PSG5: variants seen among roughly 807,000 people sequenced by gnomAD.
The protein encoded by PSG5 is pregnancy specific beta-1-glycoprotein 5.
In PSG5, 53 loss-of-function variants were observed where a neutral mutation model predicts 37.7. The observed-to-expected ratio is 1.41, with a 90% CI of 1.13 to 1.77. PSG5 has a LOEUF of 1.77. Ranked by LOEUF, PSG5 falls within the 40% of genes most tolerant of loss-of-function variation. The pLI is 0.00. For synonymous variants in PSG5, 221 were observed against 155.4 expected, an observed-to-expected ratio of 1.42 and a Z score of -3.14; for missense variants, 547 against 405.2, an observed-to-expected ratio of 1.35 and a Z score of -3.00.
At chr19:43,174,246 G>T (rs1426435245) in intron 4 of PSG5, 2 of 181,656 alleles carry the variant, frequency 1.1e-5, no homozygotes, top group Non-Finnish European at 2.1e-5. Context: ...TGGGTACAGA[G>T]GTTTAATATG....
chr19:43,182,480 C>G (rs1341731932), intron 2 of PSG5, among the ~76,000 whole-genome samples: 2 of 151,420 alleles, frequency 1.3e-5, no homozygotes, highest in Non-Finnish European at 2.9e-5. Flanking sequence ...TACCTGGAGG[C>G]AGATTCGAGC....
chr19:43,175,636 C>A, intron 3 of PSG5, 167 bp from the exon 4 acceptor site: 1 of 1,397,748 alleles, frequency 7.2e-7, no homozygotes, highest in Non-Finnish European at 9.7e-7. Flanking sequence ...ACCTGTTTCT[C>A]CCATCACAAG....
intron 1 of PSG5, 135 bp downstream of exon 1, chr19:43,186,207 A>G: frequency 6.8e-7 from 1 of 1,459,860 alleles, no homozygotes; most frequent in South Asian, 1.2e-5. Flanking sequence ...TGAACTCCTG[A>G]TCTCATAATC....
chr19:43,175,692 T>A, intron 3 of PSG5, 178 bp downstream of exon 3: 14 of 1,411,768 alleles, frequency 9.9e-6, no homozygotes, highest in Non-Finnish European at 1.3e-5. Context: ...CCTCCCCTTA[T>A]ATTCCTGGTT....
At chr19:43,179,017 G>C in intron 2 of PSG5, 1 of 1,612,746 alleles carries the variant, frequency 6.2e-7, no homozygotes, top group South Asian at 1.1e-5. Context: ...TGCAACCTGT[G>C]AGTCATAGGG....
At chr19:43,182,574 A>G (rs1039759336) in intron 2 of PSG5, among the ~76,000 whole-genome samples, 1 of 151,076 alleles carries the variant, frequency 6.6e-6, no homozygotes, top group African/African-American at 2.4e-5. Flanking sequence ...TGCCCCTGAA[A>G]CTATCCTTGA....
intron 2 of PSG5, chr19:43,183,469 G>T (rs182991481): frequency 7.6e-6 from 4 of 529,310 alleles, no homozygotes; most frequent in Non-Finnish European, 1.2e-5. Context: ...GCTGGAGCAG[G>T]GTCTGAGTGG....
intron 2 of PSG5, among the ~76,000 whole-genome samples, chr19:43,183,033 G>T (rs1290049763): frequency 6.6e-6 from 1 of 151,038 alleles, no homozygotes; most frequent in African/African-American, 2.4e-5. Flanking sequence ...GCCTAGGGGT[G>T]GGGGAAGAAG....
chr19:43,184,600 A>G (rs1355539879), intron 2 of PSG5, among the ~76,000 whole-genome samples, 182 bp downstream of exon 2: 1 of 151,448 alleles, frequency 6.6e-6, no homozygotes, highest in African/African-American at 2.4e-5. Flanking sequence ...GATGCGGGAA[A>G]GGAATTCTGA....
In PSG5 at chr19:43,167,956, C is replaced by A; in HGVS notation, c.*288G>T. The A allele has an allele frequency of 2.5e-6, 1 of 397,050 alleles. No homozygotes were observed. Among genetic ancestry groups the A allele is most frequent in the Non-Finnish European group, 4.6e-6 (1 of 215,392 alleles). The allele number at this position is 397,050 out of a possible 1,614,324, so 24.6% of individuals were successfully genotyped here. A position where few individuals can be genotyped will look rare whatever the true frequency, so the allele number is the denominator to read the frequency against. On this transcript the variant is annotated 3_prime_UTR_variant, in exon 6 of 6. Coordinates refer to ENST00000342951, the MANE Select transcript of PSG5 (RefSeq NM_002781.4). ...ATTTTCAAATAGAAAATTATGAAAACATTATGCTTTTGATTATTTAGTCCA... is the reference window on the plus strand; with the variant it reads ...ATTTTCAAATAGAAAATTATGAAAAAATTATGCTTTTGATTATTTAGTCCA...
At position 43,173,799 on chromosome 19, in the gene PSG5, G is replaced by T. The variant is rs1019885729; in HGVS notation, c.964+1416C>A. On this transcript the variant is annotated intron_variant, in intron 4 of 5. Coordinates refer to ENST00000342951, the MANE Select transcript of PSG5 (RefSeq NM_002781.4). ...GGAAATGTTATAGCCACTGTAAAAA[G>T]TGGTGTGGCTGTTTCTCAAAAAATT... is the stretch of plus-strand genomic sequence containing the variant. Among the ~76,000 whole-genome samples, 96 of 151,714 alleles carry T rather than the reference G, an allele frequency of 6.3e-4. 2 individuals are homozygous for T. The highest frequency in any genetic ancestry group is 2.2e-3 in the African/African-American group (90 of 41,244).
intron 2 of PSG5, among the ~76,000 whole-genome samples, chr19:43,178,707 G>T (rs538073082): frequency 6.6e-6 from 1 of 151,718 alleles, no homozygotes; most frequent in Admixed American, 6.6e-5. Context: ...CTCCTATTGT[G>T]GATCAAGCCT....
At chr19:43,179,435 G>A (rs892667845) in intron 2 of PSG5, among the ~76,000 whole-genome samples, 2 of 151,718 alleles carry the variant, frequency 1.3e-5, no homozygotes, top group South Asian at 2.1e-4. Flanking sequence ...TCACAGACCC[G>A]ATGCCTCTCT....
intron 2 of PSG5, among the ~76,000 whole-genome samples, chr19:43,183,938 T>C (rs1160331903): frequency 6.6e-6 from 1 of 151,412 alleles, no homozygotes; most frequent in African/African-American, 2.4e-5. Context: ...TGTGAATAAA[T>C]GTTAAATGAT....
intron 2 of PSG5, among the ~76,000 whole-genome samples, chr19:43,183,840 C>G (rs1420152889): frequency 6.6e-6 from 1 of 151,536 alleles, no homozygotes; most frequent in South Asian, 2.1e-4. Flanking sequence ...TTGTGTGACT[C>G]TGGTTCAGTG....
intron 4 of PSG5, among the ~76,000 whole-genome samples, chr19:43,171,983 C>CAAAAAAAAAAAA (rs60198220): frequency 1.6e-4 from 17 of 105,126 alleles, no homozygotes; most frequent in African/African-American, 6.1e-4. Context: ...TCCCTCTCTT[C>CAAAAAAAAAAAA]AAAAAAAAAA....
rs367839080 is a variant in PSG5 at position 43,176,161 on chromosome 19, CAG to C, written c.431-15_431-14del. Reference sequence around the variant, plus strand: ...TTGGGCAGCTTCACTGTGTGGATAACAGAGAGAAGATTGTCCTGTGTGGCACC... The same window carrying C: ...TTGGGCAGCTTCACTGTGTGGATAACAGAGAAGATTGTCCTGTGTGGCACC... On this transcript the variant is annotated splice_polypyrimidine_tract_variant and intron_variant, in intron 2 of 5. Transcript: ENST00000342951. The C allele has an allele frequency of 8.1e-6, 13 of 1,610,392 alleles. No individual in the cohort carries two copies. In the African/African-American group the frequency reaches 1.3e-4, roughly 17 times the overall value.
intron 2 of PSG5, chr19:43,183,389 T>C (rs1969172168): frequency 1.9e-6 from 1 of 525,756 alleles, no homozygotes; most frequent in South Asian, 1.4e-5. Flanking sequence ...TTTGGATCAT[T>C]CATTTCTTCA....
rs1374942694 is a variant in PSG5 at position 43,176,224 on chromosome 19, G to A, written c.431-76C>T. 5.1e-6 allele frequency: 8 copies of A among 1,573,310 alleles called. 1 individual carries two copies. Among genetic ancestry groups the A allele is most frequent in the Non-Finnish European group, 6.9e-6 (8 of 1,158,992 alleles). On this transcript the variant is annotated intron_variant, in intron 2 of 5. Coordinates refer to ENST00000342951, the MANE Select transcript of PSG5 (RefSeq NM_002781.4). ...CCACAGGCATCCTTCAATCAGAGTTGGCATCTCCCACCTGTCAACCCACCA... is the reference window on the plus strand; with the variant it reads ...CCACAGGCATCCTTCAATCAGAGTTAGCATCTCCCACCTGTCAACCCACCA...
Sources: allele counts gnomAD v4.1 joint callset (sites outside exome capture counted in the v4.1 genomes callset), GRCh38; gene constraint gnomAD v4.1.1; transcripts MANE v1.5; gene names NCBI Gene and HGNC (gene_info 2026-07-23, HGNC 2026-07-21).